ADCY8: variants seen among roughly 807,000 people sequenced by gnomAD.
ADCY8 encodes the protein adenylate cyclase type 8.
Under a neutral mutation model 119.7 loss-of-function variants are expected in ADCY8, and 51 were observed. The ratio of observed to expected loss-of-function variants is 0.43; its 90% CI spans 0.34 to 0.54. The LOEUF (loss-of-function observed/expected upper bound fraction) is 0.54, where lower values mean the gene tolerates loss of function less well. ADCY8 is among the 20% of genes least tolerant of loss of function. The pLI is 0.03. For missense variants in ADCY8, 1,383 were observed against 1,598.8 expected (o/e 0.87, Z 2.30); for synonymous variants, 665 against 651.0 (o/e 1.02, Z -0.33).
At chr8:131,001,717 A>G (rs1384818235) in intron 1 of ADCY8, among the ~76,000 whole-genome samples, 1 of 151,476 alleles carries the variant, frequency 6.6e-6, no homozygotes, top group Non-Finnish European at 1.5e-5. Flanking sequence ...GAGGCCATCT[A>G]TTTTTCCAAA....
intron 11 of ADCY8, among the ~76,000 whole-genome samples, chr8:130,839,800 C>G (rs1218791620): frequency 1.4e-5 from 2 of 140,210 alleles, no homozygotes; most frequent in African/African-American, 2.4e-5. Context: ...CAAAACCACA[C>G]TGTAAAAAAT....
chr8:130,795,309 C>T (rs1329414782), intron 15 of ADCY8, among the ~76,000 whole-genome samples: 1 of 152,140 alleles, frequency 6.6e-6, no homozygotes, highest in Non-Finnish European at 1.5e-5. Context: ...GAGACAGGAC[C>T]ACGCATAGTT....
chr8:130,874,458 A>G (rs2130423425), intron 8 of ADCY8, among the ~76,000 whole-genome samples: 1 of 152,324 alleles, frequency 6.6e-6, no homozygotes, highest in East Asian at 1.9e-4. Context: ...TCCTACACCA[A>G]TAAAATTATT....
In ADCY8 at chr8:131,006,397, G is replaced by T. The variant is rs16904397; in HGVS notation, c.961-15855C>A. ...GAAGAGGCACCAGTGACCTCTGTGTGCTTGTGGCTCAAGGGAAAAAATCAT... is the reference window on the plus strand; with the variant it reads ...GAAGAGGCACCAGTGACCTCTGTGTTCTTGTGGCTCAAGGGAAAAAATCAT... On this transcript the variant is annotated intron_variant, in intron 1 of 17. Transcript: ENST00000286355. 4.4e-3 allele frequency among the ~76,000 whole-genome samples: 667 copies of T among 152,264 alleles called. 7 individuals are homozygous for T. Among genetic ancestry groups the T allele is most frequent in the African/African-American group, 0.015 (637 of 41,546 alleles).
intron 4 of ADCY8, 188 bp downstream of exon 4, chr8:130,943,163 C>T: frequency 2.1e-6 from 1 of 478,130 alleles, no homozygotes; most frequent in Admixed American, 3.5e-5. Context: ...TCTGACAAAC[C>T]TCCTGCATGA....
Position 130,943,295 on chromosome 8 carries a change from C to T in ADCY8, c.1353+56G>A. The T allele has an allele frequency of 4.9e-6, 6 of 1,236,668 alleles. No individual in the cohort carries two copies. The South Asian group carries it at 7.5e-5, about 15-fold the overall frequency. The allele number at this position is 1,236,668 out of a possible 1,614,324, so 76.6% of individuals were successfully genotyped here. ...GGCTGAATCCTTCTCTTTCCTTATT[C>T]CATATGCAGTCCCTCACTCCTGCAA... On this transcript the variant is annotated intron_variant, in intron 4 of 17. Transcript: ENST00000286355.
At chr8:130,948,716 C>A (rs536195934) in intron 3 of ADCY8, among the ~76,000 whole-genome samples, 2 of 149,116 alleles carry the variant, frequency 1.3e-5, no homozygotes, top group African/African-American at 5.0e-5. Flanking sequence ...AAGAGGGTGA[C>A]GGGCTTGGAA....
At chr8:130,874,043 C>T (rs904471480) in intron 8 of ADCY8, among the ~76,000 whole-genome samples, 1 of 152,060 alleles carries the variant, frequency 6.6e-6, no homozygotes, top group Non-Finnish European at 1.5e-5. Context: ...AGCGGTGGCT[C>T]ATGCCTGTAA....
At chr8:130,810,817 A>AT in intron 14 of ADCY8, among the ~76,000 whole-genome samples, 1 of 152,286 alleles carries the variant, frequency 6.6e-6, no homozygotes, top group Middle Eastern at 3.4e-3. Flanking sequence ...TTTGGCCTGA[A>AT]TGACAGCTGA....
At chr8:130,865,287 T>A (rs1379432240) in intron 9 of ADCY8, among the ~76,000 whole-genome samples, 1 of 152,136 alleles carries the variant, frequency 6.6e-6, no homozygotes, top group East Asian at 1.9e-4. Context: ...TAATTTTTGC[T>A]GCGTTTATGT....
In ADCY8 at chr8:130,943,460, A is replaced by G; in HGVS notation, c.1244T>C (p.Ile415Thr). 9.6e-7 allele frequency: 1 copy of G among 1,045,058 alleles called. No homozygotes were observed. The highest frequency in any genetic ancestry group is 1.4e-6 in the Non-Finnish European group (1 of 713,662). 64.7% of individuals were successfully genotyped at this position (1,045,058 alleles called of 1,614,324 possible). A position where few individuals can be genotyped will look rare whatever the true frequency, so the allele number is the denominator to read the frequency against. ...AAATCCTTTAACATCTGCAAAAAGA[A>G]TACTAAACACAGGGAAGAGGGTGGG... ...IYIHRYENVS[I>T]LFADVKGFTN... Residue 415 changes from isoleucine (I) to threonine (T), a missense_variant and splice_region_variant, in exon 4 of 18, where the codon ATT becomes ACT. This residue lies in a region of ADCY8 where 928 missense variants were observed against 1,163.5 expected (regional missense o/e 0.80). Coordinates refer to ENST00000286355, the MANE Select transcript of ADCY8 (RefSeq NM_001115.3).
At chr8:130,792,311 C>T (rs1189955953) in intron 15 of ADCY8, among the ~76,000 whole-genome samples, 1 of 152,240 alleles carries the variant, frequency 6.6e-6, no homozygotes, top group Non-Finnish European at 1.5e-5. Flanking sequence ...AGCCTCAGGG[C>T]TCAGGCCTCA....
rs1174394094 is a variant in ADCY8 at position 130,836,259 on chromosome 8, AC to A, written c.2675+17del. 3 of 1,599,738 alleles carry A rather than the reference AC, an allele frequency of 1.9e-6. No homozygotes were observed. The highest frequency in any genetic ancestry group is 2.7e-5 in the African/African-American group (2 of 74,462). On this transcript the variant is annotated intron_variant, in intron 12 of 17. Coordinates refer to ENST00000286355, the MANE Select transcript of ADCY8 (RefSeq NM_001115.3). ...AGGAAGTTGAGCACACTTTGGACTC[AC>A]GGTGGTGGGCACTTACTCTCCACTG...
intron 6 of ADCY8, among the ~76,000 whole-genome samples, chr8:130,908,394 G>A (rs1819859783): frequency 6.6e-6 from 1 of 152,154 alleles, no homozygotes; most frequent in Admixed American, 6.5e-5. Flanking sequence ...ACCCAGCAGT[G>A]ACACATCAGA....
At chr8:131,035,177 C>T (rs2130814977) in intron 1 of ADCY8, among the ~76,000 whole-genome samples, 1 of 152,072 alleles carries the variant, frequency 6.6e-6, no homozygotes, top group African/African-American at 2.4e-5. Flanking sequence ...CAAGGTATTC[C>T]TATCATTGGT....
chr8:130,824,842 G>C (rs948405304), intron 12 of ADCY8, among the ~76,000 whole-genome samples: 9 of 152,080 alleles, frequency 5.9e-5, no homozygotes, highest in Non-Finnish European at 1.2e-4. Context: ...ACAAAGCAAG[G>C]CCCTTCTGAG....
intron 2 of ADCY8, among the ~76,000 whole-genome samples, chr8:130,960,312 A>T (rs376694397): frequency 1.3e-5 from 2 of 152,204 alleles, no homozygotes; most frequent in African/African-American, 2.4e-5. Flanking sequence ...TGACCCAAGC[A>T]TGTACTGCTT....
chr8:130,931,142 C>T (rs1297689092), intron 5 of ADCY8, among the ~76,000 whole-genome samples: 2 of 152,166 alleles, frequency 1.3e-5, no homozygotes, highest in Non-Finnish European at 2.9e-5. Context: ...TGAATTCCCT[C>T]AGCTTTTGTT....
chr8:130,822,255 A>T (rs1348253772), intron 12 of ADCY8, among the ~76,000 whole-genome samples: 5 of 152,216 alleles, frequency 3.3e-5, no homozygotes, highest in Non-Finnish European at 7.3e-5. Context: ...CTAAAAGATA[A>T]GGCTTCACAA....
Sources: gnomAD v4.1 joint callset for allele counts (sites outside exome capture counted in the v4.1 genomes callset) on GRCh38, gnomAD v4.1.1 for gene constraint, gnomAD v4.1.1 regional missense constraint, MANE v1.5 for transcripts, NCBI Gene and HGNC (gene_info 2026-07-23, HGNC 2026-07-21) for gene names.